The following RBFOX3 variants were observed in gnomAD, a reference collection of about 807,000 sequenced individuals.
RBFOX3 encodes the protein RNA binding fox-1 homolog 3.
Under a neutral mutation model 48.7 loss-of-function variants are expected in RBFOX3, and 17 were observed. The ratio of observed to expected loss-of-function variants is 0.35; its 90% confidence interval spans 0.24 to 0.52. RBFOX3 has a LOEUF of 0.52. Among genes scored for constraint, RBFOX3 ranks in the 20% least tolerant of loss-of-function variants. The probability of loss-of-function intolerance (pLI) is 0.94; values close to 1 mark genes in which losing one functional copy is unlikely to be tolerated. For missense variants in RBFOX3, 382 were observed against 497.5 expected, an observed-to-expected ratio of 0.77 and a Z score of 2.21; for synonymous variants, 212 against 209.5, an observed-to-expected ratio of 1.01 and a Z score of -0.10.
At chr17:79,137,586 C>A (rs762968779) in intron 4 of RBFOX3, among the ~76,000 whole-genome samples, 1 of 152,186 alleles carries the variant, frequency 6.6e-6, no homozygotes, top group Non-Finnish European at 1.5e-5. Context: ...CCACTGCCTG[C>A]CCCCCGGGGC....
rs1555790493 is a variant in RBFOX3 at position 79,542,039 on chromosome 17, C to CA, written c.-319-59442_-319-59441insT. Reference sequence around the variant, plus strand: ...CTTTAAACACCTTGAGAGCGTCGACCTTTTTTTTTTTTCATGTATTGTTTA... The same window carrying CA: ...CTTTAAACACCTTGAGAGCGTCGACCATTTTTTTTTTTTCATGTATTGTTTA... On this transcript the variant is annotated intron_variant, in intron 1 of 14. Coordinates refer to ENST00000693108, the MANE Select transcript of RBFOX3 (RefSeq NM_001350451.2). Among the ~76,000 whole-genome samples, 733 of 145,872 alleles carry CA rather than the reference C, an allele frequency of 5.0e-3. 6 individuals are homozygous for CA. Among genetic ancestry groups the CA allele is most frequent in the African/African-American group, 0.017 (678 of 39,582 alleles).
intron 1 of RBFOX3, among the ~76,000 whole-genome samples, chr17:79,507,399 C>T (rs372141312): frequency 0.014 from 2,193 of 152,212 alleles, 53 homozygotes; most frequent in African/African-American, 0.05. Flanking sequence ...CTAAATTTGG[C>T]GTCCATGGGG....
At chr17:79,348,103 G>A (rs377519047) in intron 2 of RBFOX3, among the ~76,000 whole-genome samples, 44 of 152,120 alleles carry the variant, frequency 2.9e-4, no homozygotes, top group African/African-American at 9.7e-4. Flanking sequence ...TGAGAGATGC[G>A]GCATTCAGAG....
At chr17:79,091,025 C>G in intron 14 of RBFOX3, 140 bp from the exon 15 acceptor site, 1 of 843,590 alleles carries the variant, frequency 1.2e-6, no homozygotes, top group Non-Finnish European at 1.8e-6. Flanking sequence ...TTTCCAGGAC[C>G]CTCATCTTCC....
intron 1 of RBFOX3, among the ~76,000 whole-genome samples, chr17:79,495,384 T>G (rs1429832219): frequency 1.2e-4 from 2 of 16,080 alleles, no homozygotes; most frequent in Admixed American, 7.9e-4. Flanking sequence ...GAAGCCACGA[T>G]GGGGTGGGGT....
intron 2 of RBFOX3, among the ~76,000 whole-genome samples, chr17:79,406,484 G>T (rs2063551086): frequency 6.6e-6 from 1 of 152,186 alleles, no homozygotes; most frequent in Non-Finnish European, 1.5e-5. Flanking sequence ...GCGAGGATGA[G>T]GCCTCTCCAT....
At chr17:79,648,885 C>T in the RBFOX3 span, among the ~76,000 whole-genome samples, 1 of 152,190 alleles carries the variant, frequency 6.6e-6, no homozygotes, top group African/African-American at 2.4e-5. Flanking sequence ...CACACCTATG[C>T]CCCACCACAG....
chr17:79,283,112 C>T (rs1162598105), intron 3 of RBFOX3, among the ~76,000 whole-genome samples: 1 of 152,182 alleles, frequency 6.6e-6, no homozygotes, highest in Non-Finnish European at 1.5e-5. Context: ...GAAGAAAACG[C>T]TTGCTAAAGC....
chr17:79,155,667 A>G lies in RBFOX3; in HGVS notation c.-33-39919T>C, dbSNP rs78906589. Among the ~76,000 whole-genome samples the G allele has an allele frequency of 7.3e-3, 1,107 of 151,848 alleles. 16 individuals carry two copies. Among genetic ancestry groups the G allele is most frequent in the African/African-American group, 0.025 (1,020 of 41,372 alleles). On this transcript the variant is annotated intron_variant, in intron 4 of 14. Coordinates refer to ENST00000693108, the MANE Select transcript of RBFOX3 (RefSeq NM_001350451.2). ...CCTTAGGGGCACGGAGATGAGAACG[A>G]CCAACTCTCTGACCAGGGTGGGCAA...
In RBFOX3 at chr17:79,433,724, C is replaced by T. The variant is rs545190575; in HGVS notation, c.-175+48730G>A. On this transcript the variant is annotated intron_variant, in intron 2 of 14. Transcript: ENST00000693108. The stretch of plus-strand genomic sequence containing the variant: ...AGCCCACACTGACCTGCAGACCCCA[C>T]GAGCAAGGTGCGGTTGCTTCTTGAC... Among the ~76,000 whole-genome samples, 3 of 152,190 alleles carry T rather than the reference C, an allele frequency of 2.0e-5. No homozygotes were observed. In the South Asian group the frequency reaches 6.2e-4, roughly 32 times the overall value.
rs1011253201 is a variant in RBFOX3 at position 79,520,755 on chromosome 17, G to A, written c.-319-38157C>T. ...TTCGTGTTGGACTCCCCTCCAGGGC[G>A]GCAGGGAAAGAGTCGGGCCCTCCCG... On this transcript the variant is annotated intron_variant, in intron 1 of 14. Transcript: ENST00000693108. Among the ~76,000 whole-genome samples, 44 of 152,306 alleles carry A rather than the reference G, an allele frequency of 2.9e-4. No individual in the cohort carries two copies. The East Asian group carries it at 7.1e-3, about 25-fold the overall frequency.
intron 1 of RBFOX3, among the ~76,000 whole-genome samples, chr17:79,572,168 T>C (rs1238438604): frequency 6.6e-6 from 1 of 152,102 alleles, no homozygotes; most frequent in Admixed American, 6.5e-5. Context: ...TGGGCTGGGA[T>C]TCAGGTCCCC....
intron 4 of RBFOX3, among the ~76,000 whole-genome samples, chr17:79,150,223 C>T (rs1467056690): frequency 3.3e-5 from 5 of 151,974 alleles, no homozygotes; most frequent in Admixed American, 1.3e-4. Flanking sequence ...GCAGCAGCCA[C>T]GTCCCAGGAG....
chr17:79,297,476 TACC>T (rs2074587526), intron 3 of RBFOX3, among the ~76,000 whole-genome samples: 1 of 151,728 alleles, frequency 6.6e-6, no homozygotes, highest in Non-Finnish European at 1.5e-5. Context: ...CATCCCCCGG[TACC>T]ACTGAGACCC....
At chr17:79,356,568 C>A (rs1002949121) in intron 2 of RBFOX3, among the ~76,000 whole-genome samples, 10 of 151,452 alleles carry the variant, frequency 6.6e-5, no homozygotes, top group Non-Finnish European at 1.5e-4. Context: ...AGGGTTTCAC[C>A]ATGTTGGCCA....
intron 1 of RBFOX3, among the ~76,000 whole-genome samples, chr17:79,537,703 G>A (rs2089048545): frequency 6.6e-6 from 1 of 152,134 alleles, no homozygotes; most frequent in Admixed American, 6.5e-5. Context: ...ATCGTGACAG[G>A]CCTACCCTCT....
chr17:79,180,337 G>C (rs532895921), intron 4 of RBFOX3, among the ~76,000 whole-genome samples: 2 of 152,336 alleles, frequency 1.3e-5, no homozygotes, highest in South Asian at 4.1e-4. Context: ...AAGACTATAG[G>C]CTTAGAAAGC....
intron 1 of RBFOX3, among the ~76,000 whole-genome samples, chr17:79,485,341 G>A (rs2079414810): frequency 6.6e-6 from 1 of 152,134 alleles, no homozygotes; most frequent in South Asian, 2.1e-4. Flanking sequence ...CAGCCTGGCA[G>A]CCAGTCCAGG....
At chr17:79,656,700 GGAAGGAAGGAGA>G in the RBFOX3 span, among the ~76,000 whole-genome samples, 1 of 13,982 alleles carries the variant, frequency 7.2e-5, no homozygotes, top group South Asian at 8.3e-3. Context: ...AAGGAAGGAA[GGAAGGAAGGAGA>G]GAGAGAGAGA....
Sources: allele counts gnomAD v4.1 joint callset (sites outside exome capture counted in the v4.1 genomes callset), GRCh38; gene constraint gnomAD v4.1.1; transcripts MANE v1.5; gene names NCBI Gene and HGNC (gene_info 2026-07-23, HGNC 2026-07-21).